Variants in PHACTR3 observed in about 807,000 individuals in gnomAD.
The protein encoded by PHACTR3 is phosphatase and actin regulator 3.
PHACTR3 carries 16 observed loss-of-function variants against 66.8 expected under a neutral mutation model. The ratio of observed to expected loss-of-function variants is 0.24; its 90% CI spans 0.16 to 0.36. The LOEUF is 0.36. PHACTR3 is among the 10% of genes least tolerant of loss of function. The pLI, the probability that PHACTR3 is intolerant of heterozygous loss-of-function variation, is 1.00. For missense variants in PHACTR3, 647 were observed against 719.9 expected, an observed-to-expected ratio of 0.90 and a Z score of 1.16; for synonymous variants, 323 against 292.1, an observed-to-expected ratio of 1.11 and a Z score of -1.08.
At position 59,641,274 on chromosome 20, in the gene PHACTR3, C is replaced by A. The variant is rs1244253588; in HGVS notation, c.118+36142C>A. 3.3e-5 allele frequency among the ~76,000 whole-genome samples: 5 copies of A among 152,156 alleles called. No homozygotes were observed. In the East Asian group the frequency reaches 9.7e-4, roughly 29 times the overall value. On this transcript the variant is annotated intron_variant, in intron 1 of 12. Transcript: ENST00000371015. ...TCTCTCTCTATCATTTTCATCCATT[C>A]ATCCATTGTCTGTCTATCTGTCTAT...
At chr20:59,612,839 C>T (rs1386458694) in intron 1 of PHACTR3, among the ~76,000 whole-genome samples, 1 of 152,140 alleles carries the variant, frequency 6.6e-6, no homozygotes, top group Non-Finnish European at 1.5e-5. Flanking sequence ...GTGCGGGAAG[C>T]GTGGTGCCAG....
chr20:59,751,071 CA>C (rs2039560471), intron 3 of PHACTR3, among the ~76,000 whole-genome samples: 1 of 152,236 alleles, frequency 6.6e-6, no homozygotes, highest in African/African-American at 2.4e-5. Flanking sequence ...CTCTCCGGCT[CA>C]GGGGAGGATC....
intron 1 of PHACTR3, among the ~76,000 whole-genome samples, chr20:59,687,541 A>G (rs2036948186): frequency 6.6e-6 from 1 of 152,154 alleles, no homozygotes; most frequent in Non-Finnish European, 1.5e-5. Context: ...TGATGAGAGG[A>G]TCATGATTTC....
At chr20:59,627,577 C>A (rs1415739836) in intron 1 of PHACTR3, among the ~76,000 whole-genome samples, 2 of 152,120 alleles carry the variant, frequency 1.3e-5, no homozygotes, top group African/African-American at 4.8e-5. Flanking sequence ...TTTGAGAGAC[C>A]TATCAGATCC....
intron 1 of PHACTR3, 83 bp downstream of exon 1, chr20:59,605,215 C>T (rs1437810742): frequency 1.0e-6 from 1 of 994,944 alleles, no homozygotes; most frequent in East Asian, 3.3e-5. Flanking sequence ...CGAGGCTCCG[C>T]GCCCCGCCTG....
At chr20:59,749,657 C>A (rs747064154) in intron 3 of PHACTR3, among the ~76,000 whole-genome samples, 3 of 152,148 alleles carry the variant, frequency 2.0e-5, no homozygotes, top group African/African-American at 4.8e-5. Context: ...TTCAGGGGGA[C>A]GTGCAGTCTC....
rs929056424 is a variant in PHACTR3, at chr20:59,609,278, C to T, written c.118+4146C>T. 4.6e-5 allele frequency among the ~76,000 whole-genome samples: 7 copies of T among 152,292 alleles called. No homozygotes were observed. The South Asian group carries it at 1.0e-3, about 23-fold the overall frequency. ...GGGCTCAGGGCATCCCATGCTGGCC[C>T]CTTCCTCTTTTATGCCACTCTGCCA... is the stretch of plus-strand genomic sequence containing the variant. On this transcript the variant is annotated intron_variant, in intron 1 of 12. Transcript: ENST00000371015.
intron 7 of PHACTR3, among the ~76,000 whole-genome samples, chr20:59,776,452 G>A (rs2040540365): frequency 6.6e-6 from 1 of 152,122 alleles, no homozygotes; most frequent in Admixed American, 6.5e-5. Flanking sequence ...CTTGGCACAG[G>A]GCCTGGCTCA....
At chr20:59,766,323 G>A (rs1412807694) in intron 4 of PHACTR3, among the ~76,000 whole-genome samples, 1 of 152,228 alleles carries the variant, frequency 6.6e-6, no homozygotes, top group African/African-American at 2.4e-5. Flanking sequence ...TAGTAGGCAA[G>A]GGCAGGAGCA....
chr20:59,805,946 C>T, intron 7 of PHACTR3, 95 bp from the exon 8 acceptor site: 1 of 1,371,296 alleles, frequency 7.3e-7, no homozygotes, highest in Non-Finnish European at 1.0e-6. Flanking sequence ...AGTCCTTCCT[C>T]TGGCAGGTGG....
chr20:59,618,235 G>C (rs112438853), intron 1 of PHACTR3, among the ~76,000 whole-genome samples: 1 of 152,228 alleles, frequency 6.6e-6, no homozygotes. Flanking sequence ...GGCTGCAGGG[G>C]AGCTGGGAGC....
intron 1 of PHACTR3, among the ~76,000 whole-genome samples, chr20:59,648,055 T>C (rs2035341910): frequency 6.6e-6 from 1 of 152,248 alleles, no homozygotes; most frequent in Non-Finnish European, 1.5e-5. Context: ...TAGTTGCATA[T>C]GGCTTTAGTT....
chr20:59,767,165 T>G (rs1256431549), intron 4 of PHACTR3, 21 bp from the exon 5 acceptor site: 2 of 1,613,718 alleles, frequency 1.2e-6, no homozygotes, highest in African/African-American at 2.7e-5. Context: ...TTTTTAACTC[T>G]CTGCTTTGCC....
intron 7 of PHACTR3, among the ~76,000 whole-genome samples, chr20:59,780,922 G>A (rs1261415251): frequency 6.6e-6 from 1 of 152,206 alleles, no homozygotes; most frequent in East Asian, 1.9e-4. Context: ...TGCTCAGTGA[G>A]CGTTCTGGTT....
At position 59,647,787 on chromosome 20, in the gene PHACTR3, G is replaced by T. The variant is rs140993825; in HGVS notation, c.118+42655G>T. On this transcript the variant is annotated intron_variant, in intron 1 of 12. Transcript: ENST00000371015. ...ATCAGAATTAAGCTCCCTGGATTCA[G>T]GTCCCAGTCCCACCCTTAATGTGCT... is the stretch of plus-strand genomic sequence containing the variant. Among the ~76,000 whole-genome samples the T allele has an allele frequency of 6.3e-4, 96 of 152,266 alleles. 1 individual carries two copies. In the East Asian group the frequency reaches 0.017, roughly 28 times the overall value.
At chr20:59,791,627 A>G (rs1006483855) in intron 7 of PHACTR3, among the ~76,000 whole-genome samples, 8 of 150,658 alleles carry the variant, frequency 5.3e-5, no homozygotes, top group African/African-American at 2.0e-4. Flanking sequence ...TTTAGGGTAC[A>G]TGTGCACAGT....
At chr20:59,652,215 G>T (rs1414127969) in intron 1 of PHACTR3, among the ~76,000 whole-genome samples, 1 of 152,116 alleles carries the variant, frequency 6.6e-6, no homozygotes, top group Non-Finnish European at 1.5e-5. Context: ...ATGAGGGAAG[G>T]CATGTGCTTT....
chr20:59,723,070 C>CTTTCTT (rs1555823515), intron 1 of PHACTR3, among the ~76,000 whole-genome samples: 2 of 120,142 alleles, frequency 1.7e-5, no homozygotes, highest in Admixed American at 1.7e-4. Context: ...CTCTTTCTTT[C>CTTTCTT]TTTCTTTCTT....
At chr20:59,624,980 G>C (rs182845419) in intron 1 of PHACTR3, among the ~76,000 whole-genome samples, 1 of 152,084 alleles carries the variant, frequency 6.6e-6, no homozygotes, top group Admixed American at 6.5e-5. Flanking sequence ...TCCAGATCCC[G>C]CATGACATCT....
Sources: gnomAD v4.1 joint callset for allele counts (sites outside exome capture counted in the v4.1 genomes callset) on GRCh38, gnomAD v4.1.1 for gene constraint, MANE v1.5 for transcripts, NCBI Gene and HGNC (gene_info 2026-07-23, HGNC 2026-07-21) for gene names.